GRIP1: variants seen among roughly 807,000 people sequenced by gnomAD.
GRIP1 encodes glutamate receptor-interacting protein 1.
A neutral mutation model predicts 129.9 loss-of-function variants in GRIP1; 45 were observed. That is an observed-to-expected ratio of 0.35 (90% confidence interval 0.27 to 0.44). The LOEUF is 0.44. Ranked by LOEUF, GRIP1 falls within the 20% of genes least tolerant of loss-of-function variation. GRIP1 has a pLI of 1.00. For missense variants in GRIP1, 1,196 were observed against 1,396.8 expected (o/e 0.86, Z 2.29); for synonymous variants, 530 against 520.8 (o/e 1.02, Z -0.24).
chr12:66,680,136 A>G (rs1017175452), upstream of GRIP1, among the ~76,000 whole-genome samples: 1 of 152,204 alleles, frequency 6.6e-6, no homozygotes, highest in Non-Finnish European at 1.5e-5. Flanking sequence ...ATGAAAAGAT[A>G]TATCACTGTC....
At chr12:66,610,715 T>C (rs775648772) in intron 1 of GRIP1, among the ~76,000 whole-genome samples, 1 of 152,142 alleles carries the variant, frequency 6.6e-6, no homozygotes, top group Non-Finnish European at 1.5e-5. Context: ...ATGAAACATA[T>C]GCAATGCCAG....
At chr12:66,568,766 G>A (rs561328761) in intron 2 of GRIP1, 48 of 243,946 alleles carry the variant, frequency 2.0e-4, no homozygotes, top group Middle Eastern at 5.9e-4. Flanking sequence ...AAGTTAGACC[G>A]CTACTAGGTG....
intron 1 of GRIP1, among the ~76,000 whole-genome samples, chr12:66,940,681 C>T (rs1411397528): frequency 6.6e-6 from 1 of 152,110 alleles, no homozygotes; most frequent in African/African-American, 2.4e-5. Flanking sequence ...GCAGGAAAAT[C>T]ATCAGGGTCA....
chr12:66,834,633 C>T (rs992888317), intron 1 of GRIP1, among the ~76,000 whole-genome samples: 1 of 152,020 alleles, frequency 6.6e-6, no homozygotes, highest in African/African-American at 2.4e-5. Context: ...CTTTAAAGTG[C>T]CTGAGGTTTG....
chr12:66,968,850 A>G (rs2042033964), intron 1 of GRIP1, among the ~76,000 whole-genome samples: 1 of 152,168 alleles, frequency 6.6e-6, no homozygotes, highest in South Asian at 2.1e-4. Flanking sequence ...TTGCTGAACT[A>G]TCATTATTCT....
rs1269452568 is a variant in GRIP1 at position 66,585,975 on chromosome 12, TTC to T, written c.136+10870_136+10871del. Among the ~76,000 whole-genome samples, 51 of 152,308 alleles carry T rather than the reference TTC, an allele frequency of 3.3e-4. 1 individual carries two copies. The highest frequency in any genetic ancestry group is 9.6e-4 in the East Asian group (5 of 5,186). On this transcript the variant is annotated intron_variant, in intron 2 of 24. Transcript: ENST00000359742. ...TATCCCCTCTTCCTCCTGCACGATT[TTC>T]TCTCATTCCACTATATCATCCGCAT...
chr12:67,037,749 A>G (rs927511666), intron 1 of GRIP1, among the ~76,000 whole-genome samples: 2 of 152,202 alleles, frequency 1.3e-5, no homozygotes, highest in Admixed American at 6.5e-5. Flanking sequence ...AATTTATTCA[A>G]TCATTTGTTC....
chr12:66,742,399 G>A (rs890851869), intron 1 of GRIP1, among the ~76,000 whole-genome samples: 8 of 152,108 alleles, frequency 5.3e-5, no homozygotes, highest in South Asian at 2.1e-4. Context: ...ATTGCTACAC[G>A]CAGCTATGCC....
intron 9 of GRIP1, among the ~76,000 whole-genome samples, chr12:66,460,901 T>G (rs922091637): frequency 6.6e-6 from 1 of 152,256 alleles, no homozygotes; most frequent in Non-Finnish European, 1.5e-5. Flanking sequence ...GAGCCAAAAT[T>G]TATTTCCTCT....
intron 1 of GRIP1, among the ~76,000 whole-genome samples, chr12:66,744,890 G>C (rs917479832): frequency 6.6e-6 from 1 of 152,092 alleles, no homozygotes; most frequent in African/African-American, 2.4e-5. Context: ...TAAATGTGTA[G>C]TATTGTATGG....
chr12:66,909,489 T>C (rs1197974595), intron 1 of GRIP1, among the ~76,000 whole-genome samples: 1 of 152,226 alleles, frequency 6.6e-6, no homozygotes, highest in Admixed American at 6.5e-5. Context: ...TATAGAACAT[T>C]TCAACAAAGA....
At chr12:66,452,857 T>TA (rs988040719) in intron 11 of GRIP1, among the ~76,000 whole-genome samples, 11 of 151,936 alleles carry the variant, frequency 7.2e-5, no homozygotes, top group Non-Finnish European at 5.9e-5. Context: ...AATCCTCACT[T>TA]AAAAAAAACA....
intron 1 of GRIP1, among the ~76,000 whole-genome samples, chr12:66,640,472 C>G (rs2031821652): frequency 6.6e-6 from 1 of 152,114 alleles, no homozygotes; most frequent in Non-Finnish European, 1.5e-5. Flanking sequence ...GGCAAAATAT[C>G]CCAGAGATAC....
At chr12:66,747,037 TAA>T (rs1263094785) in intron 1 of GRIP1, among the ~76,000 whole-genome samples, 1 of 152,144 alleles carries the variant, frequency 6.6e-6, no homozygotes, top group Non-Finnish European at 1.5e-5. Context: ...TAGCTAAGAT[TAA>T]GTTACATATT....
chr12:66,938,740 C>T (rs922237674), intron 1 of GRIP1, among the ~76,000 whole-genome samples: 7 of 151,890 alleles, frequency 4.6e-5, no homozygotes, highest in African/African-American at 1.5e-4. Context: ...GGGCAGATCA[C>T]CAGGTCAGGA....
chr12:67,006,075 A>G (rs2042621929), intron 1 of GRIP1, among the ~76,000 whole-genome samples: 2 of 152,222 alleles, frequency 1.3e-5, no homozygotes, highest in African/African-American at 4.8e-5. Flanking sequence ...CTTTTAATAC[A>G]TCTTAATGGG....
intron 1 of GRIP1, among the ~76,000 whole-genome samples, chr12:67,032,284 T>A (rs1443177553): frequency 6.6e-6 from 1 of 152,216 alleles, no homozygotes; most frequent in Admixed American, 6.5e-5. Context: ...TATACATTTA[T>A]TCTCCCCTCA....
At chr12:66,866,620 T>C (rs151175331) in intron 1 of GRIP1, among the ~76,000 whole-genome samples, 12 of 152,272 alleles carry the variant, frequency 7.9e-5, no homozygotes, top group East Asian at 1.9e-4. Context: ...TAGAGTGTAA[T>C]TGGGTTGTTG....
intron 1 of GRIP1, among the ~76,000 whole-genome samples, chr12:66,743,293 GA>G (rs752725725): frequency 1.3e-5 from 2 of 152,024 alleles, no homozygotes; most frequent in Non-Finnish European, 2.9e-5. Flanking sequence ...ACAATGCTGA[GA>G]ACCACTGGGC....
Sources: gnomAD v4.1 joint callset for allele counts (sites outside exome capture counted in the v4.1 genomes callset) on GRCh38, gnomAD v4.1.1 for gene constraint, MANE v1.5 for transcripts, NCBI Gene and HGNC (gene_info 2026-07-23, HGNC 2026-07-21) for gene names.